RNF180: variants seen among roughly 807,000 people sequenced by gnomAD.
The protein encoded by RNF180 is E3 ubiquitin-protein ligase RNF180.
Under a neutral mutation model 59.2 loss-of-function variants are expected in RNF180, and 38 were observed. The observed-to-expected ratio is 0.64, with a 90% CI of 0.50 to 0.84. The LOEUF (loss-of-function observed/expected upper bound fraction) is 0.84, where lower values mean the gene tolerates loss of function less well. Ranked by LOEUF, RNF180 falls within the 40% of genes least tolerant of loss-of-function variation. The pLI is 0.00. For missense variants in RNF180, 705 were observed against 700.9 expected (o/e 1.01, Z -0.07); for synonymous variants, 262 against 240.3 (o/e 1.09, Z -0.84).
At chr5:64,354,783 TA>T (rs146538336) in intron 7 of RNF180, among the ~76,000 whole-genome samples, 3,556 of 151,664 alleles carry the variant, frequency 0.023, 130 homozygotes, top group African/African-American at 0.075. Flanking sequence ...TAGTTCAACA[TA>T]AAAAAAATCT....
chr5:64,243,432 G>A (rs1742917681), intron 5 of RNF180, among the ~76,000 whole-genome samples: 1 of 152,162 alleles, frequency 6.6e-6, no homozygotes, highest in African/African-American at 2.4e-5. Flanking sequence ...GGCTTGAGTA[G>A]GCGGTTTTCC....
chr5:64,240,275 G>A (rs1238655596), intron 5 of RNF180, among the ~76,000 whole-genome samples: 7 of 152,258 alleles, frequency 4.6e-5, no homozygotes, highest in African/African-American at 1.4e-4. Flanking sequence ...TCAAAATGCA[G>A]ATCAGTATAA....
chr5:64,217,213 A>G (rs1208620821), intron 4 of RNF180, 148 bp from the exon 5 acceptor site: 3 of 950,080 alleles, frequency 3.2e-6, no homozygotes, highest in African/African-American at 1.7e-5. Context: ...ATTGCTCAGT[A>G]GTATTCCATT....
At chr5:64,366,281 A>G (rs1019985928) in intron 7 of RNF180, among the ~76,000 whole-genome samples, 18 of 151,566 alleles carry the variant, frequency 1.2e-4, no homozygotes, top group Non-Finnish European at 2.4e-4. Flanking sequence ...AGAATGTTGA[A>G]TATAGACCCC....
chr5:64,195,308 A>G (rs1751400983), intron 1 of RNF180, among the ~76,000 whole-genome samples: 1 of 152,210 alleles, frequency 6.6e-6, no homozygotes, highest in African/African-American at 2.4e-5. Flanking sequence ...AACCAAGCAT[A>G]TTTACTAATA....
chr5:64,304,129 T>C (rs927519445), intron 5 of RNF180, among the ~76,000 whole-genome samples: 1 of 149,960 alleles, frequency 6.7e-6, no homozygotes, highest in African/African-American at 2.5e-5. Context: ...TGAGATCTCC[T>C]TCCCAGAAAA....
At chr5:64,365,421 G>C (rs1580317722) in intron 7 of RNF180, among the ~76,000 whole-genome samples, 1 of 151,804 alleles carries the variant, frequency 6.6e-6, no homozygotes, top group East Asian at 1.9e-4. Context: ...ATGTTCAATT[G>C]TGTGGTCAAT....
chr5:64,300,520 A>T (rs553969527), intron 5 of RNF180, among the ~76,000 whole-genome samples: 3 of 151,916 alleles, frequency 2.0e-5, no homozygotes, highest in African/African-American at 7.2e-5. Flanking sequence ...TTACTTCTTC[A>T]TAAATCATGG....
At chr5:64,288,349 G>T (rs549596427) in intron 5 of RNF180, among the ~76,000 whole-genome samples, 202 of 152,228 alleles carry the variant, frequency 1.3e-3, no homozygotes, top group African/African-American at 4.6e-3. Flanking sequence ...CTCCAGCTTT[G>T]TTCTTTTTGC....
In RNF180 at chr5:64,372,087, T is replaced by TA. The variant is rs1292129517; in HGVS notation, c.*2275dup. ...AGTACTTGTCCCAAGTAATATTATTTAATAAGCTTAATTTTATGAGTTATC... is the reference window on the plus strand; with the variant it reads ...AGTACTTGTCCCAAGTAATATTATTTAAATAAGCTTAATTTTATGAGTTATC... On this transcript the variant is annotated 3_prime_UTR_variant, in exon 8 of 8. Transcript: ENST00000389100. 12 of 151,826 alleles carry TA rather than the reference T, an allele frequency of 7.9e-5. No individual in the cohort carries two copies. Among genetic ancestry groups the TA allele is most frequent in the African/African-American group, 2.9e-4 (12 of 41,426 alleles). 9.4% of individuals were successfully genotyped at this position (151,826 alleles called of 1,614,324 possible). A position where few individuals can be genotyped will look rare whatever the true frequency, so the allele number is the denominator to read the frequency against.
chr5:64,329,266 A>C (rs376521162), intron 6 of RNF180, among the ~76,000 whole-genome samples: 1 of 152,118 alleles, frequency 6.6e-6, no homozygotes, highest in East Asian at 1.9e-4. Flanking sequence ...TGTTACACTC[A>C]TAACACATTA....
intron 5 of RNF180, among the ~76,000 whole-genome samples, chr5:64,292,614 G>A (rs1410958554): frequency 6.6e-6 from 1 of 152,196 alleles, no homozygotes; most frequent in Non-Finnish European, 1.5e-5. Flanking sequence ...GATGGGATCA[G>A]GGACCCACTT....
chr5:64,268,962 T>C (rs1744848099), intron 5 of RNF180, among the ~76,000 whole-genome samples: 1 of 151,714 alleles, frequency 6.6e-6, no homozygotes, highest in Non-Finnish European at 1.5e-5. Flanking sequence ...CTCTTACTTA[T>C]TACTTCTAAT....
intron 5 of RNF180, among the ~76,000 whole-genome samples, chr5:64,221,625 T>C (rs1741346063): frequency 6.6e-6 from 1 of 152,182 alleles, no homozygotes; most frequent in African/African-American, 2.4e-5. Context: ...ATATCTTAAT[T>C]TGGCCTTTCT....
At chr5:64,305,477 A>G (rs561829226) in intron 5 of RNF180, among the ~76,000 whole-genome samples, 1 of 151,020 alleles carries the variant, frequency 6.6e-6, no homozygotes, top group East Asian at 2.0e-4. Context: ...CATGTTACTG[A>G]ATTTTTTTTT....
intron 4 of RNF180, among the ~76,000 whole-genome samples, chr5:64,214,890 G>A (rs1342900165): frequency 6.6e-6 from 1 of 151,788 alleles, no homozygotes; most frequent in East Asian, 1.9e-4. Flanking sequence ...TAAATTTTGG[G>A]TTGAAAAAAT....
intron 5 of RNF180, among the ~76,000 whole-genome samples, chr5:64,262,866 G>T (rs987022246): frequency 6.6e-6 from 1 of 152,078 alleles, no homozygotes; most frequent in African/African-American, 2.4e-5. Flanking sequence ...AGGAATATTT[G>T]TGGTATACTG....
rs1744581345 is a variant in RNF180, at chr5:64,325,326, C to T, written c.1368C>T (p.Cys456=). The T allele has an allele frequency of 6.4e-7, 1 of 1,551,582 alleles. No homozygotes were observed. Among genetic ancestry groups the T allele is most frequent in the Admixed American group, 2.0e-5 (1 of 50,990 alleles). ...YPCHHIFCEP[C]LRTLAKDNPS... ...GCCATCACATCTTCTGTGAGCCCTG[C>T]TTACGGACTCTGGCCAAAGACAATC... Residue 456 remains cysteine (C), a synonymous_variant, in exon 6 of 8, where the codon TGC becomes TGT. Transcript: ENST00000389100.
At chr5:64,189,517 T>C (rs1320897508) in intron 1 of RNF180, among the ~76,000 whole-genome samples, 1 of 152,180 alleles carries the variant, frequency 6.6e-6, no homozygotes, top group Non-Finnish European at 1.5e-5. Context: ...AATTGTATTC[T>C]AGTGCTTTGT....
Sources: gnomAD v4.1 joint callset for allele counts (sites outside exome capture counted in the v4.1 genomes callset) on GRCh38, gnomAD v4.1.1 for gene constraint, MANE v1.5 for transcripts, NCBI Gene and HGNC (gene_info 2026-07-23, HGNC 2026-07-21) for gene names.